ERO1B: variants seen among roughly 807,000 people sequenced by gnomAD.
ERO1B encodes endoplasmic reticulum oxidoreductase 1 beta.
A neutral mutation model predicts 75.3 loss-of-function variants in ERO1B; 49 were observed. The ratio of observed to expected loss-of-function variants is 0.65; its 90% CI spans 0.52 to 0.83. The LOEUF (loss-of-function observed/expected upper bound fraction) is 0.83. Among genes scored for constraint, ERO1B ranks in the 40% least tolerant of loss-of-function variants. ERO1B has a pLI of 0.00. For synonymous variants in ERO1B, 191 were observed against 192.9 expected (o/e 0.99, Z 0.08); for missense variants, 512 against 560.1 (o/e 0.91, Z 0.87).
At chr1:236,251,383 T>G (rs1665024675) in intron 4 of ERO1B, 1 of 456,806 alleles carries the variant, frequency 2.2e-6, no homozygotes, top group African/African-American at 2.1e-5. Context: ...GGGAAATGGC[T>G]GAGGGGGTTT....
At chr1:236,225,988 C>T (rs1323068937) in intron 12 of ERO1B, among the ~76,000 whole-genome samples, 2 of 152,022 alleles carry the variant, frequency 1.3e-5, no homozygotes, top group African/African-American at 4.8e-5. Context: ...GGTAGAAAGA[C>T]CATTAAAGTA....
chr1:236,221,630 A>T (rs1664144264), intron 14 of ERO1B, among the ~76,000 whole-genome samples: 1 of 152,202 alleles, frequency 6.6e-6, no homozygotes, highest in Non-Finnish European at 1.5e-5. Flanking sequence ...TATGTAAAAT[A>T]CGGATATACT....
At chr1:236,230,195 A>T (rs755003526) in intron 10 of ERO1B, 29 bp downstream of exon 10, 5 of 1,547,464 alleles carry the variant, frequency 3.2e-6, no homozygotes, top group African/African-American at 1.4e-5. Context: ...TTAACAAAAA[A>T]TCCAATAAAT....
intron 9 of ERO1B, among the ~76,000 whole-genome samples, chr1:236,230,611 C>CAAAA (rs397983348): frequency 8.5e-5 from 5 of 58,586 alleles, no homozygotes; most frequent in African/African-American, 2.5e-4. Context: ...GACCCTGTCT[C>CAAAA]AAAAAAAAAA....
At chr1:236,236,047 C>G (rs76478055) in intron 7 of ERO1B, among the ~76,000 whole-genome samples, 1 of 152,156 alleles carries the variant, frequency 6.6e-6, no homozygotes, top group Non-Finnish European at 1.5e-5. Context: ...GCCTCAGCCT[C>G]CCAAGTAGCT....
intron 2 of ERO1B, among the ~76,000 whole-genome samples, chr1:236,260,654 G>T (rs1019616321): frequency 7.0e-6 from 1 of 142,998 alleles, no homozygotes; most frequent in African/African-American, 2.6e-5. Flanking sequence ...AACAGAGCAA[G>T]AGTTGGTCTC....
chr1:236,264,950 T>C (rs910013839), intron 2 of ERO1B, among the ~76,000 whole-genome samples: 2 of 152,104 alleles, frequency 1.3e-5, no homozygotes, highest in African/African-American at 4.8e-5. Flanking sequence ...GCTTCACCAC[T>C]AGGCAATATA....
chr1:236,229,499 T>C (rs960539199), intron 10 of ERO1B, among the ~76,000 whole-genome samples: 5 of 152,224 alleles, frequency 3.3e-5, no homozygotes, highest in African/African-American at 1.2e-4. Flanking sequence ...AGTTTTACTC[T>C]GTAGTATTCC....
intron 1 of ERO1B, among the ~76,000 whole-genome samples, chr1:236,272,347 G>A (rs1478709247): frequency 6.6e-6 from 1 of 151,980 alleles, no homozygotes; most frequent in Non-Finnish European, 1.5e-5. Flanking sequence ...AAGAAAATGT[G>A]GTCTATGTAC....
Position 236,226,252 on chromosome 1 carries a change from G to A in ERO1B, c.1052+17C>T, listed in dbSNP as rs746525935. On this transcript the variant is annotated intron_variant, in intron 12 of 15. Transcript: ENST00000354619. ...TACAGAGAGGAGAATTTCAAATCAC[G>A]GATAGTCAATTCTTACTTTGTATCT... 1.9e-5 allele frequency: 31 copies of A among 1,610,184 alleles called. No homozygotes were observed. The highest frequency in any genetic ancestry group is 5.4e-5 in the African/African-American group (4 of 74,588).
chr1:236,223,889 TG>T (rs1200088537), intron 13 of ERO1B, among the ~76,000 whole-genome samples: 12 of 152,164 alleles, frequency 7.9e-5, no homozygotes, highest in Non-Finnish European at 1.0e-4. Context: ...AAAATATAGT[TG>T]TGACTAAATT....
intron 1 of ERO1B, chr1:236,281,408 G>GA: frequency 3.1e-6 from 1 of 318,224 alleles, no homozygotes; most frequent in Non-Finnish European, 5.7e-6. Flanking sequence ...CATCCGAGAG[G>GA]AAAAAACGAA....
intron 2 of ERO1B, among the ~76,000 whole-genome samples, chr1:236,264,016 A>C (rs2141129): frequency 0.061 from 9,280 of 151,318 alleles, 675 homozygotes; most frequent in East Asian, 0.38. Context: ...TTGTATATCA[A>C]GTTTATGGCT....
At chr1:236,241,976 G>A (rs1664716094) in intron 6 of ERO1B, among the ~76,000 whole-genome samples, 1 of 151,650 alleles carries the variant, frequency 6.6e-6, no homozygotes, top group South Asian at 2.1e-4. Context: ...GCTGAGGCAG[G>A]AGAATGGCGT....
intron 1 of ERO1B, among the ~76,000 whole-genome samples, chr1:236,273,561 A>C (rs1219292466): frequency 6.6e-6 from 1 of 152,102 alleles, no homozygotes; most frequent in African/African-American, 2.4e-5. Flanking sequence ...ACAATGACTC[A>C]CACCTGTAAT....
chr1:236,252,028 T>G (rs371986515), intron 4 of ERO1B, 22 bp downstream of exon 4: 2 of 1,537,876 alleles, frequency 1.3e-6, no homozygotes, highest in Admixed American at 1.8e-5. Context: ...GCAGAAACAC[T>G]CAAGGAAGAG....
At chr1:236,272,841 G>C (rs376505232) in intron 1 of ERO1B, among the ~76,000 whole-genome samples, 1 of 152,122 alleles carries the variant, frequency 6.6e-6, no homozygotes, top group East Asian at 1.9e-4. Context: ...TCTAATGTGT[G>C]AATTTTTCTG....
chr1:236,278,874 C>G (rs1255994722), intron 1 of ERO1B, among the ~76,000 whole-genome samples: 1 of 152,170 alleles, frequency 6.6e-6, no homozygotes, highest in Admixed American at 6.5e-5. Context: ...ATATGTATCT[C>G]CTTTAATGAC....
intron 6 of ERO1B, among the ~76,000 whole-genome samples, chr1:236,239,412 T>TA (rs1234347021): frequency 6.6e-6 from 1 of 152,126 alleles, no homozygotes. Flanking sequence ...CTAAAATAGT[T>TA]ACCATTAGTC....
Sources: gnomAD v4.1 joint callset for allele counts (sites outside exome capture counted in the v4.1 genomes callset) on GRCh38, gnomAD v4.1.1 for gene constraint, MANE v1.5 for transcripts, NCBI Gene and HGNC (gene_info 2026-07-23, HGNC 2026-07-21) for gene names.